HEXB: variants seen among roughly 807,000 people sequenced by gnomAD.
HEXB encodes hexosaminidase subunit beta.
A neutral mutation model predicts 71.2 loss-of-function variants in HEXB; 51 were observed. The observed-to-expected ratio is 0.72, with a 90% CI of 0.57 to 0.90. The LOEUF is 0.90. Ranked by LOEUF, HEXB falls within the 40% of genes least tolerant of loss-of-function variation. The pLI is 0.00. For synonymous variants in HEXB, 266 were observed against 249.3 expected, an observed-to-expected ratio of 1.07 and a Z score of -0.63; for missense variants, 617 against 677.0, an observed-to-expected ratio of 0.91 and a Z score of 0.98.
At chr5:74,685,184 C>G, upstream of HEXB, 23 of 1,405,544 alleles carry the variant, frequency 1.6e-5, no homozygotes, top group Non-Finnish European at 2.1e-5. Context: ...GCCGCGCTTC[C>G]TCTGATCCGG....
chr5:74,660,265 A>G (rs1354770507), intron 1 of HEXB, among the ~76,000 whole-genome samples: 1 of 152,218 alleles, frequency 6.6e-6, no homozygotes. Context: ...GATCAAAGCC[A>G]ACGATTACAA....
chr5:74,694,636 A>T (rs1342822079), intron 3 of HEXB, among the ~76,000 whole-genome samples: 2 of 152,124 alleles, frequency 1.3e-5, no homozygotes, highest in African/African-American at 4.8e-5. Flanking sequence ...AAGGGAATTT[A>T]AAAAAACATG....
chr5:74,702,439 G>T (rs1254981549), intron 5 of HEXB, among the ~76,000 whole-genome samples: 5 of 152,122 alleles, frequency 3.3e-5, no homozygotes, highest in Non-Finnish European at 7.3e-5. Context: ...TGTAGAGTAT[G>T]CCTTAGCTTG....
intron 1 of HEXB, among the ~76,000 whole-genome samples, chr5:74,686,253 G>C (rs1218454972): frequency 6.6e-6 from 1 of 152,190 alleles, no homozygotes; most frequent in East Asian, 1.9e-4. Context: ...TTTGGCTGCA[G>C]ACAGGGTGAG....
At chr5:74,720,343 A>T in intron 11 of HEXB, 85 bp from the exon 12 acceptor site, 1 of 1,016,678 alleles carries the variant, frequency 9.8e-7, no homozygotes, top group Non-Finnish European at 1.6e-6. Flanking sequence ...CCTAGGATAA[A>T]GATGGAGGAA....
chr5:74,699,092 C>G (rs1749187386), intron 5 of HEXB, among the ~76,000 whole-genome samples: 1 of 151,908 alleles, frequency 6.6e-6, no homozygotes, highest in South Asian at 2.1e-4. Flanking sequence ...GGCTGAGACA[C>G]AAAATCGCTT....
chr5:74,675,169 A>G (rs1748608846), intron 1 of HEXB, among the ~76,000 whole-genome samples: 2 of 152,222 alleles, frequency 1.3e-5, no homozygotes, highest in African/African-American at 4.8e-5. Context: ...GCAATTTATT[A>G]AAAGGAACCA....
chr5:74,684,428 G>A (rs1420715900), upstream of HEXB, among the ~76,000 whole-genome samples: 1 of 152,190 alleles, frequency 6.6e-6, no homozygotes, highest in African/African-American at 2.4e-5. Context: ...TGATAGGAAG[G>A]CTTTATTGAC....
At chr5:74,679,913 T>G (rs1227478658) in intron 1 of HEXB, among the ~76,000 whole-genome samples, 3 of 150,554 alleles carry the variant, frequency 2.0e-5, no homozygotes, top group African/African-American at 7.3e-5. Context: ...ATAAAATCCC[T>G]TAAGACCTCA....
chr5:74,697,889 C>T (rs2112143129), intron 5 of HEXB, among the ~76,000 whole-genome samples: 1 of 151,986 alleles, frequency 6.6e-6, no homozygotes, highest in East Asian at 1.9e-4. Context: ...AATATGGAAC[C>T]TCAGGGGTGG....
intron 1 of HEXB, among the ~76,000 whole-genome samples, chr5:74,648,775 T>G (rs539011362): frequency 6.6e-6 from 1 of 152,348 alleles, no homozygotes; most frequent in South Asian, 2.1e-4. Context: ...TATAAACAAC[T>G]TTCCACATCC....
chr5:74,692,111 T>C (rs1466141454), intron 2 of HEXB, among the ~76,000 whole-genome samples: 2 of 152,074 alleles, frequency 1.3e-5, no homozygotes, highest in Non-Finnish European at 2.9e-5. Context: ...TAGGTGACTG[T>C]GCTATTTCTG....
In HEXB at chr5:74,720,624, TGTGTGATTTAAATTTTAG is replaced by T; in HGVS notation, c.1509-17_1509del. 1 of 1,602,854 alleles carries T rather than the reference TGTGTGATTTAAATTTTAG, an allele frequency of 6.2e-7. No individual in the cohort carries two copies. Among genetic ancestry groups the T allele is most frequent in the Non-Finnish European group, 8.5e-7 (1 of 1,169,726 alleles). On this transcript the variant is annotated splice_acceptor_variant and splice_polypyrimidine_tract_variant and intron_variant, in intron 12 of 13. Coordinates refer to ENST00000261416, the MANE Select transcript of HEXB (RefSeq NM_000521.4). LOFTEE classifies it high-confidence loss of function. ...TAAATTTAAACTGCTTGCGGGGGGA[TGTGTGATTTAAATTTTAG>T]GCCTCGGGCAAGTGCTGTTGGTGAG... is the stretch of plus-strand genomic sequence containing the variant.
intron 7 of HEXB, among the ~76,000 whole-genome samples, chr5:74,714,948 C>G (rs1043159040): frequency 9.2e-5 from 14 of 152,008 alleles, no homozygotes; most frequent in Admixed American, 1.3e-4. Context: ...GGGAAAGTGA[C>G]AGATTGGAGT....
At chr5:74,644,273 G>A (rs1315822800) in intron 1 of HEXB, among the ~76,000 whole-genome samples, 2 of 152,228 alleles carry the variant, frequency 1.3e-5, no homozygotes, top group Non-Finnish European at 2.9e-5. Flanking sequence ...GGGCAAGAAG[G>A]CTTTTATAGG....
At chr5:74,687,728 A>T (rs905930738) in intron 1 of HEXB, among the ~76,000 whole-genome samples, 2 of 152,104 alleles carry the variant, frequency 1.3e-5, no homozygotes, top group African/African-American at 4.8e-5. Context: ...AAAATTTACC[A>T]TCTTAACCTT....
At chr5:74,668,692 A>G (rs820849) in intron 1 of HEXB, among the ~76,000 whole-genome samples, 275 of 152,304 alleles carry the variant, frequency 1.8e-3, no homozygotes, top group African/African-American at 6.1e-3. Flanking sequence ...AGCAGTGGAC[A>G]CATCAAGATA....
chr5:74,675,157 T>C (rs984172103), intron 1 of HEXB, among the ~76,000 whole-genome samples: 2 of 152,288 alleles, frequency 1.3e-5, no homozygotes, highest in African/African-American at 2.4e-5. Context: ...GGTCAGTGGA[T>C]GGCAATTTAT....
At chr5:74,665,412 C>CTG (rs1197163711) in intron 1 of HEXB, among the ~76,000 whole-genome samples, 1 of 138,626 alleles carries the variant, frequency 7.2e-6, no homozygotes. Context: ...GCACACTTTT[C>CTG]TCTGTGTGTG....
Sources: allele counts gnomAD v4.1 joint callset (sites outside exome capture counted in the v4.1 genomes callset), GRCh38; gene constraint gnomAD v4.1.1; transcripts MANE v1.5; gene names NCBI Gene and HGNC (gene_info 2026-07-23, HGNC 2026-07-21).